The following MEAF6 variants were observed in gnomAD, a reference collection of about 807,000 sequenced individuals.
MEAF6 encodes the protein MYST/Esa1 associated factor 6, also known as chromatin modification-related protein MEAF6.
Under a neutral mutation model 28.9 loss-of-function variants are expected in MEAF6, and 15 were observed. That is an observed-to-expected ratio of 0.52 (90% CI 0.35 to 0.80). The LOEUF is 0.80. Among genes scored for constraint, MEAF6 ranks in the 30% least tolerant of loss-of-function variants. MEAF6 has a pLI of 0.01. For missense variants in MEAF6, 178 were observed against 237.5 expected (o/e 0.75, Z 1.65); for synonymous variants, 97 against 88.7 (o/e 1.09, Z -0.53).
Position 37,491,299 on chromosome 1 carries a change from G to A in MEAF6, c.*2800C>T, listed in dbSNP as rs1450009740. ...GTGGGTGGATTACCTGAGGTCAGGA[G>A]TTCGAGACCAGCCTGCCCATCATGG... On this transcript the variant is annotated 3_prime_UTR_variant, in exon 7 of 7. Coordinates refer to ENST00000296214, the MANE Select transcript of MEAF6 (RefSeq NM_001270875.3). Among the ~76,000 whole-genome samples, 2 of 152,176 alleles carry A rather than the reference G, an allele frequency of 1.3e-5. No homozygotes were observed. The highest frequency in any genetic ancestry group is 2.9e-5 in the Non-Finnish European group (2 of 68,034).
chr1:37,501,106 C>G (rs371778806), intron 5 of MEAF6: 10 of 153,628 alleles, frequency 6.5e-5, no homozygotes, highest in African/African-American at 9.6e-5. Flanking sequence ...ATACAAACCC[C>G]AGGCAGAGTG....
intron 2 of MEAF6, among the ~76,000 whole-genome samples, chr1:37,512,762 T>C (rs1642709521): frequency 6.6e-6 from 1 of 152,162 alleles, no homozygotes; most frequent in Admixed American, 6.5e-5. Context: ...TACAGTATGG[T>C]GTGCCTGTAG....
At chr1:37,498,210 C>A (rs1451651060) in intron 5 of MEAF6, among the ~76,000 whole-genome samples, 1 of 152,130 alleles carries the variant, frequency 6.6e-6, no homozygotes, top group African/African-American at 2.4e-5. Context: ...ATATCTCTCA[C>A]AAAATAGTTT....
At chr1:37,514,182 C>G (rs1177370962) in intron 1 of MEAF6, 2 of 158,566 alleles carry the variant, frequency 1.3e-5, no homozygotes, top group Non-Finnish European at 2.8e-5. Context: ...CTATCAAAAA[C>G]CTCCATTCAA....
intron 5 of MEAF6, among the ~76,000 whole-genome samples, chr1:37,499,246 A>G (rs751330146): frequency 9.2e-5 from 14 of 152,318 alleles, no homozygotes; most frequent in African/African-American, 2.9e-4. Flanking sequence ...GCTCACCACT[A>G]AACAGTGTCT....
rs965533128 is a variant in MEAF6 at position 37,501,830 on chromosome 1, T to C, written c.507A>G (p.Lys169=). The C allele has an allele frequency of 1.3e-6, 2 of 1,593,426 alleles. No homozygotes were observed. Among genetic ancestry groups the C allele is most frequent in the Non-Finnish European group, 1.7e-6 (2 of 1,165,284 alleles). ...TGTGCCGGTTTTTATTCTTTCGCTT[T>C]TTATGGCTGCTGTGGTGACTCCCTG... ...TSSGSHHSSH[K]KRKNKNRHRI... The change falls in exon 5 of 7, where the codon AAA becomes AAG. Residue 169 remains lysine, a synonymous_variant. Coordinates refer to ENST00000296214, the MANE Select transcript of MEAF6 (RefSeq NM_001270875.3).
At chr1:37,502,964 A>T (rs1642363913) in intron 4 of MEAF6, among the ~76,000 whole-genome samples, 1 of 151,512 alleles carries the variant, frequency 6.6e-6, no homozygotes, top group African/African-American at 2.4e-5. Context: ...ACAAGATCTC[A>T]CTCTGTCACC....
chr1:37,499,194 G>A (rs1423147778), intron 5 of MEAF6, among the ~76,000 whole-genome samples: 1 of 152,074 alleles, frequency 6.6e-6, no homozygotes, highest in Non-Finnish European at 1.5e-5. Context: ...GCAAATTCAA[G>A]TTATTTCCTT....
intron 5 of MEAF6, chr1:37,501,011 C>T (rs1472708035): frequency 6.5e-6 from 1 of 154,158 alleles, no homozygotes; most frequent in Non-Finnish European, 1.5e-5. Flanking sequence ...CAGCAAAACT[C>T]CTTACTCTAG....
chr1:37,496,741 G>C, intron 5 of MEAF6: 1 of 1,596,320 alleles, frequency 6.3e-7, no homozygotes, highest in Non-Finnish European at 8.5e-7. Flanking sequence ...GACGGGCTGA[G>C]GGGCAGCATT....
chr1:37,509,661 G>A (rs1017177125), intron 2 of MEAF6, 119 bp from the exon 3 acceptor site: 9 of 793,852 alleles, frequency 1.1e-5, no homozygotes, highest in African/African-American at 5.2e-5. Flanking sequence ...TGGCCCAAAC[G>A]ACCTTTATGC....
intron 2 of MEAF6, among the ~76,000 whole-genome samples, chr1:37,511,419 G>A (rs1035503271): frequency 6.6e-5 from 10 of 152,130 alleles, no homozygotes; most frequent in Admixed American, 1.3e-4. Context: ...GTGTACTAAC[G>A]GATTCAGATA....
intron 6 of MEAF6, among the ~76,000 whole-genome samples, chr1:37,495,333 A>AAAAAT (rs371918855): frequency 1.4e-5 from 2 of 138,458 alleles, no homozygotes; most frequent in Non-Finnish European, 3.1e-5. Context: ...TCCGTCTCAA[A>AAAAAT]AAATAAATAA....
intron 4 of MEAF6, among the ~76,000 whole-genome samples, chr1:37,504,826 C>T (rs907463569): frequency 4.1e-5 from 6 of 147,088 alleles, no homozygotes; most frequent in African/African-American, 1.3e-4. Flanking sequence ...CACACACACA[C>T]ATTATCTATT....
intron 5 of MEAF6, among the ~76,000 whole-genome samples, chr1:37,500,669 A>C (rs1301868813): frequency 6.6e-6 from 1 of 152,212 alleles, no homozygotes; most frequent in African/African-American, 2.4e-5. Flanking sequence ...GAACCAGCTG[A>C]CGCCAATCAA....
In MEAF6 at chr1:37,493,569, A is replaced by G. The variant is rs1642009305; in HGVS notation, c.*530T>C. On this transcript the variant is annotated 3_prime_UTR_variant, in exon 7 of 7. Transcript: ENST00000296214. Reference sequence around the variant, plus strand: ...GCAACTGCATGAAAGAGATGATCAGATATGTCAGCAGGAAAGTATGAGCTG... The same window carrying G: ...GCAACTGCATGAAAGAGATGATCAGGTATGTCAGCAGGAAAGTATGAGCTG... The G allele has an allele frequency of 1.7e-6, 1 of 580,280 alleles. No homozygotes were observed. The highest frequency in any genetic ancestry group is 2.4e-5 in the South Asian group (1 of 41,568). The allele number at this position is 580,280 out of a possible 1,614,324, so 35.9% of individuals were successfully genotyped here. A position where few individuals can be genotyped will look rare whatever the true frequency, so the allele number is the denominator to read the frequency against.
At chr1:37,511,073 A>G (rs1642654119) in intron 2 of MEAF6, among the ~76,000 whole-genome samples, 1 of 152,244 alleles carries the variant, frequency 6.6e-6, no homozygotes, top group African/African-American at 2.4e-5. Flanking sequence ...CAGATTAGTG[A>G]TATGAAGTGT....
chr1:37,493,679 A>T lies in MEAF6; in HGVS notation c.*420T>A. On this transcript the variant is annotated 3_prime_UTR_variant, in exon 7 of 7. Transcript: ENST00000296214. ...AAGAAAACATAAAACAATATAAGAA[A>T]ATGCCAGATATTTACAGCCTCCATC... 1 of 991,488 alleles carries T rather than the reference A, an allele frequency of 1.0e-6. No individual in the cohort carries two copies. The highest frequency in any genetic ancestry group is 1.5e-5 in the South Asian group (1 of 66,760). 61.4% of individuals were successfully genotyped at this position (991,488 alleles called of 1,614,324 possible).
intron 6 of MEAF6, among the ~76,000 whole-genome samples, chr1:37,494,647 A>C (rs1248920443): frequency 6.6e-6 from 1 of 151,968 alleles, no homozygotes; most frequent in Non-Finnish European, 1.5e-5. Flanking sequence ...CCTGGGTAAC[A>C]AATTAAGACC....
Sources: allele counts gnomAD v4.1 joint callset (sites outside exome capture counted in the v4.1 genomes callset), GRCh38; gene constraint gnomAD v4.1.1; transcripts MANE v1.5; gene names NCBI Gene and HGNC (gene_info 2026-07-23, HGNC 2026-07-21).